CNIH3: variants seen among roughly 807,000 people sequenced by gnomAD.
CNIH3 encodes cornichon family AMPA receptor auxiliary protein 3, also known as protein cornichon homolog 3.
CNIH3 carries 14 observed loss-of-function variants against 24.1 expected under a neutral mutation model. The observed-to-expected ratio is 0.58, with a 90% CI of 0.38 to 0.91. CNIH3 has a LOEUF of 0.91. Among genes scored for constraint, CNIH3 ranks in the 40% least tolerant of loss-of-function variants. The probability of loss-of-function intolerance (pLI) is 0.00; values close to 1 mark genes in which losing one functional copy is unlikely to be tolerated. For missense variants in CNIH3, 178 were observed against 196.8 expected (o/e 0.90, Z 0.57); for synonymous variants, 68 against 73.8 (o/e 0.92, Z 0.40).
chr1:224,720,384 C>T (rs1365403331), intron 3 of CNIH3, among the ~76,000 whole-genome samples: 1 of 151,970 alleles, frequency 6.6e-6, no homozygotes, highest in Non-Finnish European at 1.5e-5. Flanking sequence ...CTGGAAACAT[C>T]AGGTTCTTGT....
chr1:224,576,234 A>G (rs1159523113), intron 4 of CNIH3, among the ~76,000 whole-genome samples: 1 of 152,224 alleles, frequency 6.6e-6, no homozygotes, highest in Admixed American at 6.5e-5. Context: ...GGCTTTTATC[A>G]TGTTCTTTCT....
intron 3 of CNIH3, among the ~76,000 whole-genome samples, chr1:224,556,159 T>C (rs1186056410): frequency 6.6e-6 from 1 of 151,902 alleles, no homozygotes; most frequent in African/African-American, 2.4e-5. Context: ...CTGCCATGCC[T>C]ATAGCTTGGT....
intron 1 of CNIH3, among the ~76,000 whole-genome samples, chr1:224,654,136 C>T (rs1183205113): frequency 6.6e-6 from 1 of 151,834 alleles, no homozygotes; most frequent in African/African-American, 2.4e-5. Context: ...AATCCCAACA[C>T]TTTGGGAGGC....
intron 1 of CNIH3, among the ~76,000 whole-genome samples, chr1:224,503,802 C>T (rs564520963): frequency 1.3e-5 from 2 of 152,300 alleles, no homozygotes; most frequent in Admixed American, 6.5e-5. Context: ...GTGGGAGTGC[C>T]AACTACTGTG....
chr1:224,729,884 T>C (rs1038814503), intron 3 of CNIH3, among the ~76,000 whole-genome samples: 2 of 152,176 alleles, frequency 1.3e-5, no homozygotes, highest in East Asian at 3.9e-4. Flanking sequence ...TCCCTCTTCA[T>C]CATTGCTAAT....
intron 1 of CNIH3, among the ~76,000 whole-genome samples, chr1:224,445,750 T>C (rs559788958): frequency 2.0e-5 from 3 of 152,208 alleles, no homozygotes; most frequent in Non-Finnish European, 4.4e-5. Flanking sequence ...CAGAAGTTCT[T>C]AATGAAATCC....
rs540542819 is a variant in CNIH3, at chr1:224,507,802, T to C, written n.204-7939T>C. On this transcript the variant is annotated intron_variant and non_coding_transcript_variant, in intron 1 of 5. Transcript: ENST00000471578. ...AGTTCAGGCTTCTTATTAAACTATG[T>C]ATGTTCACATTTAGAGATATTTACT... Among the ~76,000 whole-genome samples the C allele has an allele frequency of 2.6e-5, 4 of 152,344 alleles. No homozygotes were observed. The East Asian group carries it at 7.7e-4, about 29-fold the overall frequency.
chr1:224,698,739 G>T (rs74146249), intron 3 of CNIH3, among the ~76,000 whole-genome samples: 3,111 of 152,300 alleles, frequency 0.02, 97 homozygotes, highest in African/African-American at 0.067. Context: ...TGTAAAAAGC[G>T]TGCTTTCCTT....
At chr1:224,508,299 G>A (rs531974607) in intron 1 of CNIH3, among the ~76,000 whole-genome samples, 21 of 152,302 alleles carry the variant, frequency 1.4e-4, no homozygotes, top group South Asian at 4.1e-4. Flanking sequence ...CATGGCACAG[G>A]CTCAGATCTG....
At chr1:224,573,429 G>T (rs529533275) in intron 4 of CNIH3, among the ~76,000 whole-genome samples, 2 of 152,256 alleles carry the variant, frequency 1.3e-5, no homozygotes, top group South Asian at 4.1e-4. Flanking sequence ...CTCAGCCGCT[G>T]CCTTTGCTGT....
intron 1 of CNIH3, among the ~76,000 whole-genome samples, chr1:224,630,913 C>T (rs1009400310): frequency 6.6e-6 from 1 of 152,084 alleles, no homozygotes; most frequent in Non-Finnish European, 1.5e-5. Context: ...CGAATCCCAG[C>T]GCTTCGGGAG....
chr1:224,435,044 T>G (rs1674585440), intron 1 of CNIH3: 11 of 985,448 alleles, frequency 1.1e-5, no homozygotes, highest in Non-Finnish European at 1.3e-5. Flanking sequence ...CTCGGCTGGC[T>G]CGACGAGCAG....
intron 1 of CNIH3, among the ~76,000 whole-genome samples, chr1:224,650,315 C>T (rs557036348): frequency 1.4e-4 from 22 of 152,178 alleles, no homozygotes; most frequent in African/African-American, 4.6e-4. Flanking sequence ...CATTTTTCCA[C>T]GGGATACAAG....
intron 3 of CNIH3, among the ~76,000 whole-genome samples, chr1:224,699,338 A>G (rs548450102): frequency 6.6e-6 from 1 of 152,334 alleles, no homozygotes; most frequent in Non-Finnish European, 1.5e-5. Context: ...TCTTGAGAGA[A>G]AGAACCTTCA....
In CNIH3 at chr1:224,616,906, T is replaced by C; in HGVS notation, c.-269T>C. The C allele has an allele frequency of 1.5e-6, 2 of 1,301,610 alleles. No homozygotes were observed. The highest frequency in any genetic ancestry group is 1.9e-6 in the Non-Finnish European group (2 of 1,027,666). The allele number at this position is 1,301,610 out of a possible 1,614,324, so 80.6% of individuals were successfully genotyped here. On this transcript the variant is annotated 5_prime_UTR_variant, in exon 1 of 6. Transcript: ENST00000272133. ...TGTTCGCTGCTGATTTGGTTTCTTC[T>C]TCGATTTGCGGACGGTTCCCTCCAG...
chr1:224,648,799 A>G (rs1684738351), intron 1 of CNIH3, among the ~76,000 whole-genome samples: 1 of 152,140 alleles, frequency 6.6e-6, no homozygotes. Flanking sequence ...CTGCAGTCAG[A>G]TTAGTAACTA....
intron 3 of CNIH3, among the ~76,000 whole-genome samples, chr1:224,689,482 G>C (rs899859349): frequency 6.6e-6 from 1 of 152,210 alleles, no homozygotes; most frequent in East Asian, 1.9e-4. Flanking sequence ...TGTTTGAGCA[G>C]CATCACACGG....
intron 1 of CNIH3, chr1:224,664,820 GA>G (rs1401225604): frequency 7.9e-5 from 12 of 152,110 alleles, no homozygotes; most frequent in Admixed American, 5.9e-4. Flanking sequence ...CTGCAGCCTT[GA>G]AGTCCTGGGC....
intron 3 of CNIH3, among the ~76,000 whole-genome samples, chr1:224,705,970 G>T (rs1326383402): frequency 7.3e-5 from 11 of 150,304 alleles, no homozygotes; most frequent in African/African-American, 2.7e-4. Flanking sequence ...GTGCTTCTGG[G>T]GGCTCCCCTA....
Sources: gnomAD v4.1 joint callset for allele counts (sites outside exome capture counted in the v4.1 genomes callset) on GRCh38, gnomAD v4.1.1 for gene constraint, MANE v1.5 for transcripts, NCBI Gene and HGNC (gene_info 2026-07-23, HGNC 2026-07-21) for gene names.